PPIH: variants seen among roughly 807,000 people sequenced by gnomAD.
The protein encoded by PPIH is peptidylprolyl isomerase H, also known as peptidyl-prolyl cis-trans isomerase H.
In PPIH, 16 loss-of-function variants were observed where a neutral mutation model predicts 27.6. The observed-to-expected ratio is 0.58, with a 90% confidence interval of 0.39 to 0.88. The LOEUF (loss-of-function observed/expected upper bound fraction) is 0.88, where lower values mean the gene tolerates loss of function less well. PPIH is among the 40% of genes least tolerant of loss of function. The probability of loss-of-function intolerance (pLI) is 0.00; values close to 1 mark genes in which losing one functional copy is unlikely to be tolerated. For synonymous variants in PPIH, 63 were observed against 76.1 expected (o/e 0.83, Z 0.90); for missense variants, 155 against 224.1 (o/e 0.69, Z 1.97).
chr1:42,674,444 T>C (rs1206689383), intron 9 of PPIH, among the ~76,000 whole-genome samples: 3 of 152,272 alleles, frequency 2.0e-5, no homozygotes, highest in East Asian at 1.9e-4. Flanking sequence ...CCAGGGCCAG[T>C]AGTGAAAGCC....
At chr1:42,658,988 C>T in intron 2 of PPIH, 80 bp downstream of exon 2, 5 of 1,486,224 alleles carry the variant, frequency 3.4e-6, no homozygotes, top group Non-Finnish European at 4.7e-6. Flanking sequence ...AGCCTGTCTA[C>T]CTCTGTCCGT....
At chr1:42,659,781 A>G (rs761414116) in intron 4 of PPIH, among the ~76,000 whole-genome samples, 1 of 152,184 alleles carries the variant, frequency 6.6e-6, no homozygotes, top group Admixed American at 6.5e-5. Context: ...CATCTTTACA[A>G]TATCTTGTCT....
chr1:42,676,926 C>CA (rs1456117036), downstream of PPIH, among the ~76,000 whole-genome samples: 3 of 152,082 alleles, frequency 2.0e-5, no homozygotes, highest in East Asian at 3.9e-4. Context: ...TCTTGACTTG[C>CA]AGGCAGTTGT....
intron 8 of PPIH, among the ~76,000 whole-genome samples, chr1:42,666,846 AC>A (rs1268468801): frequency 6.6e-6 from 1 of 151,958 alleles, no homozygotes; most frequent in East Asian, 1.9e-4. Context: ...GTCCCTGTCT[AC>A]CTCTCCATGG....
At chr1:42,675,346 TC>T (rs1274841134) in intron 9 of PPIH, 1 of 152,256 alleles carries the variant, frequency 6.6e-6, no homozygotes, top group Non-Finnish European at 1.5e-5. Flanking sequence ...CCATTGCTGA[TC>T]CCTCCACCTC....
At chr1:42,661,516 C>T (rs549002362) in intron 5 of PPIH, among the ~76,000 whole-genome samples, 6 of 152,120 alleles carry the variant, frequency 3.9e-5, no homozygotes, top group Non-Finnish European at 8.8e-5. Context: ...ATGAAGCCTC[C>T]CTCCCCACCC....
chr1:42,659,317 G>C, intron 3 of PPIH, 66 bp downstream of exon 3: 1 of 1,614,192 alleles, frequency 6.2e-7, no homozygotes. Flanking sequence ...TGCAGTGAGG[G>C]TATCGGTGAA....
At chr1:42,661,687 G>A (rs1649028345) in intron 5 of PPIH, among the ~76,000 whole-genome samples, 1 of 152,112 alleles carries the variant, frequency 6.6e-6, no homozygotes, top group African/African-American at 2.4e-5. Context: ...TCTCTTTTAT[G>A]TGTTTATTTA....
downstream of PPIH, among the ~76,000 whole-genome samples, chr1:42,679,821 C>T (rs1649977723): frequency 6.6e-6 from 1 of 152,228 alleles, no homozygotes; most frequent in African/African-American, 2.4e-5. Context: ...GGAGCTGGAA[C>T]ACATGAACAA....
chr1:42,666,400 C>T, intron 7 of PPIH, 147 bp from the exon 8 acceptor site: 1 of 780,294 alleles, frequency 1.3e-6, no homozygotes, highest in Non-Finnish European at 2.1e-6. Flanking sequence ...TTACCTATGA[C>T]CTTGAGCAAG....
intron 5 of PPIH, among the ~76,000 whole-genome samples, chr1:42,664,556 A>AG (rs1009114946): frequency 6.6e-6 from 1 of 152,204 alleles, no homozygotes; most frequent in Non-Finnish European, 1.5e-5. Flanking sequence ...GCAAGGATTG[A>AG]GTATGTGATC....
chr1:42,668,279 A>T (rs1649449004), intron 9 of PPIH, among the ~76,000 whole-genome samples: 1 of 152,020 alleles, frequency 6.6e-6, no homozygotes. Flanking sequence ...TTCTTGTTTT[A>T]TTGCTTTGCC....
chr1:42,663,558 C>T lies in PPIH; in HGVS notation c.244-1305C>T, dbSNP rs972801725. Among the ~76,000 whole-genome samples, 86 of 152,072 alleles carry T rather than the reference C, an allele frequency of 5.7e-4. 1 individual carries two copies. Among genetic ancestry groups the T allele is most frequent in the Admixed American group, 5.5e-3 (84 of 15,272 alleles). On this transcript the variant is annotated intron_variant, in intron 5 of 9. Transcript: ENST00000304979. ...TGGGATTACAGGTACCACCACCACACGTGGCTAATTTTTGTATTTTTAGTA... is the reference window on the plus strand; with the variant it reads ...TGGGATTACAGGTACCACCACCACATGTGGCTAATTTTTGTATTTTTAGTA...
chr1:42,664,761 T>G, intron 5 of PPIH, 102 bp from the exon 6 acceptor site: 2 of 862,356 alleles, frequency 2.3e-6, no homozygotes, highest in Non-Finnish European at 3.6e-6. Flanking sequence ...AGAGTAAGAG[T>G]AGACTTTAAA....
At chr1:42,676,147 T>G (rs74068500) in intron 9 of PPIH, among the ~76,000 whole-genome samples, 3 of 152,112 alleles carry the variant, frequency 2.0e-5, no homozygotes, top group Non-Finnish European at 4.4e-5. Context: ...TTCTACCCTT[T>G]TGGGAAAAGA....
At chr1:42,661,499 C>T (rs145936613) in intron 5 of PPIH, among the ~76,000 whole-genome samples, 1 of 152,178 alleles carries the variant, frequency 6.6e-6, no homozygotes, top group East Asian at 1.9e-4. Flanking sequence ...CTGTTTTTGT[C>T]CCCCATATGA....
At chr1:42,659,760 C>G (rs1479440960) in intron 4 of PPIH, among the ~76,000 whole-genome samples, 194 bp downstream of exon 4, 1 of 152,236 alleles carries the variant, frequency 6.6e-6, no homozygotes, top group Non-Finnish European at 1.5e-5. Flanking sequence ...GTCTTTAAAA[C>G]AGAAACTACT....
chr1:42,658,929 C>T (rs761216280), intron 2 of PPIH, 21 bp downstream of exon 2: 1 of 1,611,618 alleles, frequency 6.2e-7, no homozygotes, highest in East Asian at 2.2e-5. Flanking sequence ...GCTCCAGCTC[C>T]GCTGGATTAG....
intron 9 of PPIH, among the ~76,000 whole-genome samples, chr1:42,674,688 G>C (rs1357404854): frequency 2.0e-5 from 3 of 152,212 alleles, no homozygotes; most frequent in African/African-American, 7.2e-5. Flanking sequence ...GTGGAGGATG[G>C]GCTGGAGGCC....
Sources: allele counts gnomAD v4.1 joint callset (sites outside exome capture counted in the v4.1 genomes callset), GRCh38; gene constraint gnomAD v4.1.1; transcripts MANE v1.5; gene names NCBI Gene and HGNC (gene_info 2026-07-23, HGNC 2026-07-21).